The following SLFN12L variants were observed in gnomAD, a reference collection of about 807,000 sequenced individuals.
SLFN12L encodes the protein schlafen family member 12 like, also known as schlafen family member 12-like.
A neutral mutation model predicts 34.8 loss-of-function variants in SLFN12L; 34 were observed. The observed-to-expected ratio is 0.98, with a 90% CI of 0.74 to 1.30. The LOEUF (loss-of-function observed/expected upper bound fraction) is 1.30. SLFN12L is among the 50% of genes most tolerant of loss of function. SLFN12L has a pLI of 0.00. For synonymous variants in SLFN12L, 259 were observed against 247.5 expected (o/e 1.05, Z -0.44); for missense variants, 703 against 696.2 (o/e 1.01, Z -0.11).
At chr17:35,511,675 A>G (rs1915652470) in intron 2 of SLFN12L, among the ~76,000 whole-genome samples, 1 of 152,160 alleles carries the variant, frequency 6.6e-6, no homozygotes, top group South Asian at 2.1e-4. Flanking sequence ...CTTGAGCCCA[A>G]GTATTTGACG....
At chr17:35,510,074 A>G (rs1915590193) in intron 2 of SLFN12L, 1 of 152,238 alleles carries the variant, frequency 6.6e-6, no homozygotes. Context: ...CAAGTAGTGG[A>G]ACCACATGGA....
intron 1 of SLFN12L, among the ~76,000 whole-genome samples, chr17:35,531,116 T>A (rs1364272901): frequency 6.6e-6 from 1 of 152,140 alleles, no homozygotes; most frequent in Non-Finnish European, 1.5e-5. Context: ...AAGGGAATAA[T>A]AAATGTAAGG....
At chr17:35,475,553 C>T (rs1381237018) in intron 4 of SLFN12L, 68 bp from the exon 5 acceptor site, 33 of 1,469,948 alleles carry the variant, frequency 2.2e-5, no homozygotes, top group Non-Finnish European at 2.9e-5. Flanking sequence ...GGATACAAAG[C>T]AGCTTGTATT....
At position 35,504,901 on chromosome 17, in the gene SLFN12L, A is replaced by G. The variant is rs554442169; in HGVS notation, c.86+17378T>C. On this transcript the variant is annotated intron_variant, in intron 2 of 4. Coordinates refer to ENST00000628453, the MANE Select transcript of SLFN12L (RefSeq NM_001363830.2). The stretch of plus-strand genomic sequence containing the variant: ...TGGACCTTTACTAGGCACTGTGCCC[A>G]ATAACTGGAGTGGTACTTGTACTTT... Among the ~76,000 whole-genome samples the G allele has an allele frequency of 9.1e-4, 139 of 152,354 alleles. 1 individual carries two copies. Among genetic ancestry groups the G allele is most frequent in the Non-Finnish European group, 9.3e-4 (63 of 68,028 alleles).
chr17:35,480,230 C>T (rs1467372101), intron 2 of SLFN12L, 35 bp from the exon 3 acceptor site: 2 of 1,477,718 alleles, frequency 1.4e-6, no homozygotes, highest in African/African-American at 1.4e-5. Flanking sequence ...GGAGTTAAGC[C>T]TGAGAGACAG....
At chr17:35,489,978 C>G in intron 2 of SLFN12L, 2 of 1,521,018 alleles carry the variant, frequency 1.3e-6, no homozygotes, top group South Asian at 2.3e-5. Flanking sequence ...GAACCCTTAG[C>G]AAATTGGGAA....
At chr17:35,512,617 C>T (rs1337941724) in intron 2 of SLFN12L, among the ~76,000 whole-genome samples, 2 of 152,138 alleles carry the variant, frequency 1.3e-5, no homozygotes, top group East Asian at 3.9e-4. Context: ...CCGCCTGCCT[C>T]GGCCTCCCAA....
At chr17:35,507,734 G>C (rs576876934) in intron 2 of SLFN12L, among the ~76,000 whole-genome samples, 13 of 152,292 alleles carry the variant, frequency 8.5e-5, no homozygotes, top group African/African-American at 1.2e-4. Context: ...TCCCTTGTTT[G>C]CTACCCATAC....
chr17:35,471,298 A>G lies in SLFN12L; in HGVS notation c.*3625T>C, dbSNP rs35367381. Reference sequence around the variant, plus strand: ...ATTACAGACGCCTACCACCACTCCCAGCTAATTCTTGTATTTTTAGTAGAA... The same window carrying G: ...ATTACAGACGCCTACCACCACTCCCGGCTAATTCTTGTATTTTTAGTAGAA... On this transcript the variant is annotated 3_prime_UTR_variant, in exon 5 of 5. Coordinates refer to ENST00000628453, the MANE Select transcript of SLFN12L (RefSeq NM_001363830.2). Among the ~76,000 whole-genome samples the G allele has an allele frequency of 0.2, 29,639 of 151,600 alleles. 3,300 individuals carry two copies. The highest frequency in any genetic ancestry group is 0.31 in the Middle Eastern group (90 of 294).
In SLFN12L at chr17:35,468,701, G is replaced by A. The variant is rs1055639370; in HGVS notation, c.*6222C>T. 6.6e-6 allele frequency among the ~76,000 whole-genome samples: 1 copy of A among 152,134 alleles called. No homozygotes were observed. The highest frequency in any genetic ancestry group is 1.5e-5 in the Non-Finnish European group (1 of 68,032). On this transcript the variant is annotated 3_prime_UTR_variant, in exon 5 of 5. Coordinates refer to ENST00000628453, the MANE Select transcript of SLFN12L (RefSeq NM_001363830.2). Reference sequence around the variant, plus strand: ...ATGCCTGAAGGAAAATTTAATAGTAGTTACCACTACCTACGTCATTCTAAG... The same window carrying A: ...ATGCCTGAAGGAAAATTTAATAGTAATTACCACTACCTACGTCATTCTAAG...
At chr17:35,497,220 G>T (rs1407477445) in intron 2 of SLFN12L, among the ~76,000 whole-genome samples, 1 of 152,058 alleles carries the variant, frequency 6.6e-6, no homozygotes, top group Non-Finnish European at 1.5e-5. Flanking sequence ...GCGAAACCTA[G>T]TCTGTACCAA....
chr17:35,515,185 A>C (rs906082561), intron 2 of SLFN12L: 1 of 608,102 alleles, frequency 1.6e-6, no homozygotes, highest in Non-Finnish European at 3.2e-6. Flanking sequence ...GTTCCGACCC[A>C]GCCTCTTCCC....
chr17:35,491,644 T>C (rs1914843283), intron 2 of SLFN12L, among the ~76,000 whole-genome samples: 1 of 152,238 alleles, frequency 6.6e-6, no homozygotes, highest in Admixed American at 6.5e-5. Context: ...TCTTCCTTAA[T>C]AGCATTTCAA....
At chr17:35,513,538 C>A (rs185921560) in intron 2 of SLFN12L, among the ~76,000 whole-genome samples, 2 of 152,244 alleles carry the variant, frequency 1.3e-5, no homozygotes, top group Non-Finnish European at 2.9e-5. Flanking sequence ...CACCAAGTAC[C>A]AACAGATGCC....
Position 35,471,740 on chromosome 17 carries a change from T to C in SLFN12L, c.*3183A>G, listed in dbSNP as rs1047260870. 1.3e-5 allele frequency among the ~76,000 whole-genome samples: 2 copies of C among 152,104 alleles called. No homozygotes were observed. Among genetic ancestry groups the C allele is most frequent in the African/African-American group, 4.8e-5 (2 of 41,404 alleles). On this transcript the variant is annotated 3_prime_UTR_variant, in exon 5 of 5. Coordinates refer to ENST00000628453, the MANE Select transcript of SLFN12L (RefSeq NM_001363830.2). Reference sequence around the variant, plus strand: ...TTTTAAATAATCTTTTATCTTGACTTTTCAATAATCACCATTTGACTTGTG... The same window carrying C: ...TTTTAAATAATCTTTTATCTTGACTCTTCAATAATCACCATTTGACTTGTG...
intron 2 of SLFN12L, among the ~76,000 whole-genome samples, chr17:35,502,533 G>T (rs1335624810): frequency 1.3e-5 from 2 of 148,302 alleles, no homozygotes; most frequent in Non-Finnish European, 3.0e-5. Context: ...ACAAAGGTCC[G>T]ACCAGACCTA....
chr17:35,492,266 G>A (rs1373697368), intron 2 of SLFN12L, among the ~76,000 whole-genome samples: 1 of 152,188 alleles, frequency 6.6e-6, no homozygotes, highest in Non-Finnish European at 1.5e-5. Flanking sequence ...GGAGGAGCTT[G>A]GAGCGAGTCA....
At chr17:35,530,179 C>G (rs1231748653) in intron 1 of SLFN12L, among the ~76,000 whole-genome samples, 5 of 140,044 alleles carry the variant, frequency 3.6e-5, no homozygotes, top group African/African-American at 1.3e-4. Flanking sequence ...AACCCCGTCT[C>G]TACGAAAAAT....
Position 35,467,064 on chromosome 17 carries a change from C to T in SLFN12L, c.*7859G>A, listed in dbSNP as rs377478826. On this transcript the variant is annotated 3_prime_UTR_variant, in exon 5 of 5. Transcript: ENST00000628453. ...TCCTGGGCTCTCTAGCATATTCACA[C>T]GCAGAAGGGAGTGACGTCCCCAGTC... is the stretch of plus-strand genomic sequence containing the variant. Among the ~76,000 whole-genome samples the T allele has an allele frequency of 1.4e-4, 21 of 152,296 alleles. No homozygotes were observed. Among genetic ancestry groups the T allele is most frequent in the Admixed American group, 4.6e-4 (7 of 15,300 alleles).
Sources: gnomAD v4.1 joint callset for allele counts (sites outside exome capture counted in the v4.1 genomes callset) on GRCh38, gnomAD v4.1.1 for gene constraint, MANE v1.5 for transcripts, NCBI Gene and HGNC (gene_info 2026-07-23, HGNC 2026-07-21) for gene names.